GRM5: variants seen among roughly 807,000 people sequenced by gnomAD.
The protein encoded by GRM5 is metabotropic glutamate receptor 5.
Under a neutral mutation model 83.1 loss-of-function variants are expected in GRM5, and 19 were observed. The ratio of observed to expected loss-of-function variants is 0.23; its 90% confidence interval spans 0.16 to 0.34. GRM5 has a LOEUF of 0.34. GRM5 is among the 10% of genes least tolerant of loss of function. The pLI is 1.00. For synonymous variants in GRM5, 675 were observed against 633.6 expected (o/e 1.07, Z -0.98); for missense variants, 1,160 against 1,588.3 (o/e 0.73, Z 4.58).
At chr11:88,698,141 G>T (rs537921706) in intron 3 of GRM5, among the ~76,000 whole-genome samples, 1 of 152,218 alleles carries the variant, frequency 6.6e-6, no homozygotes, top group East Asian at 1.9e-4. Flanking sequence ...TAAAAATGCA[G>T]ATCTGATTAT....
chr11:88,510,402 G>A (rs112971486), intron 9 of GRM5, among the ~76,000 whole-genome samples: 9 of 152,278 alleles, frequency 5.9e-5, no homozygotes, highest in African/African-American at 1.7e-4. Flanking sequence ...CAGCCTCAGC[G>A]CCCTAGTACC....
chr11:88,973,659 G>C (rs1279833405), intron 2 of GRM5, among the ~76,000 whole-genome samples: 1 of 152,066 alleles, frequency 6.6e-6, no homozygotes, highest in Non-Finnish European at 1.5e-5. Context: ...TTGGATTTCT[G>C]GTCTCCAGAA....
At chr11:88,939,779 A>G (rs1437622862) in intron 2 of GRM5, among the ~76,000 whole-genome samples, 1 of 151,856 alleles carries the variant, frequency 6.6e-6, no homozygotes, top group Non-Finnish European at 1.5e-5. Flanking sequence ...GAAAAGGGAA[A>G]GAAGTACCTG....
At chr11:89,062,137 A>C (rs1254510377) in intron 1 of GRM5, among the ~76,000 whole-genome samples, 1 of 152,244 alleles carries the variant, frequency 6.6e-6, no homozygotes, top group Non-Finnish European at 1.5e-5. Flanking sequence ...GGCATGTTTA[A>C]ATGGAAATAA....
chr11:89,027,643 A>G (rs1195810752), intron 2 of GRM5, among the ~76,000 whole-genome samples: 1 of 152,242 alleles, frequency 6.6e-6, no homozygotes, highest in Non-Finnish European at 1.5e-5. Context: ...AGACCGTGAC[A>G]TCTAAATCCT....
At chr11:88,957,440 A>G (rs1344338027) in intron 2 of GRM5, among the ~76,000 whole-genome samples, 1 of 152,228 alleles carries the variant, frequency 6.6e-6, no homozygotes, top group Non-Finnish European at 1.5e-5. Flanking sequence ...ACAAGCTGTA[A>G]GTTTATCTCA....
At chr11:88,662,173 T>G (rs1939923830) in intron 3 of GRM5, among the ~76,000 whole-genome samples, 1 of 152,126 alleles carries the variant, frequency 6.6e-6, no homozygotes, top group African/African-American at 2.4e-5. Context: ...TTAGCCCTAG[T>G]TTTTACATCT....
intron 3 of GRM5, among the ~76,000 whole-genome samples, chr11:88,812,145 C>A (rs1210802370): frequency 6.6e-6 from 1 of 152,106 alleles, no homozygotes; most frequent in African/African-American, 2.4e-5. Flanking sequence ...TCAATATTAA[C>A]CATTTGCTGC....
At chr11:88,800,202 G>A (rs1054450664) in intron 3 of GRM5, among the ~76,000 whole-genome samples, 5 of 151,954 alleles carry the variant, frequency 3.3e-5, no homozygotes. Context: ...TTAAAAGGAG[G>A]GCAAATTGCC....
At position 88,597,201 on chromosome 11, in the gene GRM5, C is replaced by T; in HGVS notation, c.1546G>A (p.Glu516Lys). The T allele has an allele frequency of 6.3e-7, 1 of 1,578,964 alleles. No homozygotes were observed. Among genetic ancestry groups the T allele is most frequent in the Non-Finnish European group, 8.6e-7 (1 of 1,165,314 alleles). ...IIRSVCSEPC[E>K]KGQIKVIRKG... Reference sequence around the variant, plus strand: ...CATTTTACCTTGATCTGGCCTTTCTCACATGGTTCACTGCACACAGATCTG... The same window carrying T: ...CATTTTACCTTGATCTGGCCTTTCTTACATGGTTCACTGCACACAGATCTG... The change falls in exon 6 of 10, where the codon GAG becomes AAG. Residue 516 changes from glutamate to lysine, a missense_variant. Physicochemically the swap from Glu to Lys is moderately conservative, Grantham distance 56. Coordinates refer to ENST00000305447, the MANE Select transcript of GRM5 (RefSeq NM_001143831.3).
intron 3 of GRM5, among the ~76,000 whole-genome samples, chr11:88,665,852 A>G (rs1940029970): frequency 9.2e-5 from 1 of 10,896 alleles, no homozygotes; most frequent in Non-Finnish European, 5.9e-4. Flanking sequence ...GCCATGATCC[A>G]GGAGAAAAAA....
At chr11:89,065,067 C>T (rs537667513) in intron 1 of GRM5, among the ~76,000 whole-genome samples, 1 of 151,632 alleles carries the variant, frequency 6.6e-6, no homozygotes, top group Non-Finnish European at 1.5e-5. Context: ...ACCATCTTTA[C>T]ATGACCCACA....
At chr11:88,783,336 G>A (rs1943008598) in intron 3 of GRM5, among the ~76,000 whole-genome samples, 1 of 151,946 alleles carries the variant, frequency 6.6e-6, no homozygotes, top group Non-Finnish European at 1.5e-5. Context: ...CTTCCTCACT[G>A]TCCATATACA....
intron 2 of GRM5, among the ~76,000 whole-genome samples, chr11:88,884,389 C>T (rs921717134): frequency 1.2e-4 from 18 of 152,262 alleles, no homozygotes; most frequent in African/African-American, 4.1e-4. Context: ...AATGCCTGTA[C>T]CCCACTGTGT....
chr11:89,064,571 C>T (rs1565358040), intron 1 of GRM5, among the ~76,000 whole-genome samples: 1 of 152,076 alleles, frequency 6.6e-6, no homozygotes, highest in Non-Finnish European at 1.5e-5. Context: ...TCTTAGTATG[C>T]AGATCTTCAA....
intron 3 of GRM5, among the ~76,000 whole-genome samples, chr11:88,825,293 T>C (rs925534502): frequency 6.6e-6 from 1 of 152,114 alleles, no homozygotes; most frequent in Non-Finnish European, 1.5e-5. Context: ...TCTTTGTTGA[T>C]GTATATTGTT....
At chr11:88,671,596 T>C (rs1940195343) in intron 3 of GRM5, among the ~76,000 whole-genome samples, 1 of 151,884 alleles carries the variant, frequency 6.6e-6, no homozygotes, top group African/African-American at 2.4e-5. Context: ...GCAATGAAAA[T>C]GAACAAACTA....
At chr11:88,919,249 TATATATATC>T (rs1945648067) in intron 2 of GRM5, among the ~76,000 whole-genome samples, 1 of 84,758 alleles carries the variant, frequency 1.2e-5, no homozygotes, top group South Asian at 4.7e-4. Context: ...TATATATATA[TATATATATC>T]GGATAAAATA....
chr11:88,698,715 T>C (rs1940958515), intron 3 of GRM5, among the ~76,000 whole-genome samples: 1 of 152,192 alleles, frequency 6.6e-6, no homozygotes, highest in African/African-American at 2.4e-5. Flanking sequence ...TGAATGTGAA[T>C]CTTTCCAGTT....
Sources: gnomAD v4.1 joint callset for allele counts (sites outside exome capture counted in the v4.1 genomes callset) on GRCh38, gnomAD v4.1.1 for gene constraint, MANE v1.5 for transcripts, NCBI Gene and HGNC (gene_info 2026-07-23, HGNC 2026-07-21) for gene names.